Variants in SYNE2 observed in about 807,000 individuals in gnomAD.
The protein encoded by SYNE2 is spectrin repeat containing nuclear envelope protein 2, also known as nesprin-2.
In SYNE2, 431 loss-of-function variants were observed where a neutral mutation model predicts 856.3. The ratio of observed to expected loss-of-function variants is 0.50; its 90% CI spans 0.47 to 0.55. The LOEUF (loss-of-function observed/expected upper bound fraction) is 0.55, where lower values mean the gene tolerates loss of function less well. Ranked by LOEUF, SYNE2 falls within the 20% of genes least tolerant of loss-of-function variation. The probability of loss-of-function intolerance (pLI) is 0.00; values close to 1 mark genes in which losing one functional copy is unlikely to be tolerated. For synonymous variants in SYNE2, 2,923 were observed against 2,872.3 expected (o/e 1.02, Z -0.56); for missense variants, 8,129 against 8,023.2 (o/e 1.01, Z -0.50).
intron 6 of SYNE2, among the ~76,000 whole-genome samples, chr14:63,948,657 T>A: frequency 1.0e-5 from 1 of 96,922 alleles, no homozygotes; most frequent in Non-Finnish European, 2.3e-5. Flanking sequence ...CGAGACTCCA[T>A]CTCAAAAAAA....
chr14:63,841,308 A>C (rs569464842), intron 1 of SYNE2, among the ~76,000 whole-genome samples: 1 of 152,320 alleles, frequency 6.6e-6, no homozygotes, highest in South Asian at 2.1e-4. Context: ...TGAGCCCCTA[A>C]AAAAGCAAAA....
intron 78 of SYNE2, among the ~76,000 whole-genome samples, chr14:64,136,469 C>T (rs140641592): frequency 2.0e-5 from 3 of 151,544 alleles, no homozygotes; most frequent in South Asian, 2.1e-4. Context: ...GGGCTATGGA[C>T]GTGGAATTTT....
chr14:64,168,916 G>C lies in SYNE2; in HGVS notation c.16945G>C (p.Asp5649His), dbSNP rs1304643807. 6.2e-7 allele frequency: 1 copy of C among 1,614,056 alleles called. No individual in the cohort carries two copies. Among genetic ancestry groups the C allele is most frequent in the Admixed American group, 1.7e-5 (1 of 60,008 alleles). ...AGTTTCTATAAACCAGACAATTGCT[G>C]ATTCCTATGTCACCCAGTCCTTACA... is the stretch of plus-strand genomic sequence containing the variant. ...AEVSINQTIA[D>H]SYVTQSLQLL... Residue 5649 changes from aspartate to histidine, a missense_variant, in exon 93 of 116, where the codon GAT (aspartate) becomes CAT (histidine). Asp to His is a moderately conservative substitution (Grantham distance 81). Transcript: ENST00000555002.
chr14:64,095,606 T>TC (rs2097669882), intron 61 of SYNE2, among the ~76,000 whole-genome samples: 1 of 152,218 alleles, frequency 6.6e-6, no homozygotes, highest in Non-Finnish European at 1.5e-5. Context: ...TGGCTTTTTT[T>TC]CACGTAAAAA....
intron 61 of SYNE2, among the ~76,000 whole-genome samples, chr14:64,094,333 CA>C (rs1567276743): frequency 6.6e-6 from 1 of 150,614 alleles, no homozygotes; most frequent in Non-Finnish European, 1.5e-5. Flanking sequence ...GACTCCGTCT[CA>C]AAAAAATTAA....
chr14:63,942,281 G>A, intron 6 of SYNE2, 138 bp downstream of exon 6: 1 of 671,378 alleles, frequency 1.5e-6, no homozygotes, highest in Non-Finnish European at 2.6e-6. Context: ...TGAAGAGGTA[G>A]AAAATAATAG....
At position 64,074,172 on chromosome 14, in the gene SYNE2, C is replaced by A. The variant is rs900487843; in HGVS notation, c.10866+36C>A. ...AATGAATTAGTGAATGTGGCAGGTA[C>A]AGGCCCACAGTCTTGTATCCAAAGT... On this transcript the variant is annotated intron_variant, in intron 53 of 115. Transcript: ENST00000555002. The A allele has an allele frequency of 2.5e-6, 4 of 1,597,624 alleles. No homozygotes were observed. In the Admixed American group the frequency reaches 6.7e-5, roughly 27 times the overall value.
intron 115 of SYNE2, 67 bp downstream of exon 115, chr14:64,225,112 C>T (rs2098712968): frequency 1.9e-6 from 3 of 1,587,246 alleles, no homozygotes; most frequent in Admixed American, 3.4e-5. Flanking sequence ...TCAGTCTTGC[C>T]AATGCCACTA....
chr14:64,177,540 T>A, intron 96 of SYNE2, 57 bp downstream of exon 96: 1 of 1,610,350 alleles, frequency 6.2e-7, no homozygotes, highest in Non-Finnish European at 8.5e-7. Context: ...CTGAGTACTT[T>A]GAAGTGCTTC....
At chr14:64,112,022 G>A (rs2097812933) in intron 65 of SYNE2, among the ~76,000 whole-genome samples, 1 of 152,168 alleles carries the variant, frequency 6.6e-6, no homozygotes, top group Non-Finnish European at 1.5e-5. Flanking sequence ...AATAGATGGT[G>A]AAAGGTAAAA....
In SYNE2 at chr14:63,990,439, A is replaced by G. The variant is rs1209770907; in HGVS notation, c.2342A>G (p.Asp781Gly). ...CTTATTGCCAAAGGCTCTATGTTTG[A>G]TGAGCTTATGGCAAGAAGTGAAGAT... ...KHLIAKGSMF[D>G]ELMARSEDML... is the part of the protein sequence containing the mutation. The change falls in exon 20 of 116, where the codon GAT (aspartate) becomes GGT (glycine). Residue 781 changes from aspartate to glycine, a missense_variant. This residue lies in a region of SYNE2 where 2,422 missense variants were observed against 2,357.4 expected (regional missense o/e 1.03). Coordinates refer to ENST00000555002, the MANE Select transcript of SYNE2 (RefSeq NM_182914.3). 1.9e-6 allele frequency: 3 copies of G among 1,613,408 alleles called. No individual in the cohort carries two copies. The South Asian group carries it at 3.3e-5, about 18-fold the overall frequency.
intron 49 of SYNE2, among the ~76,000 whole-genome samples, chr14:64,056,799 T>C (rs1595189895): frequency 6.6e-6 from 1 of 152,040 alleles, no homozygotes; most frequent in Non-Finnish European, 1.5e-5. Flanking sequence ...GCCTCCCGAG[T>C]AGCTGGGATT....
chr14:63,945,267 G>A (rs1380141714), intron 6 of SYNE2, among the ~76,000 whole-genome samples: 1 of 151,896 alleles, frequency 6.6e-6, no homozygotes, highest in Non-Finnish European at 1.5e-5. Context: ...TAAAAATATA[G>A]AACTTTGCCA....
chr14:64,112,983 T>A, intron 65 of SYNE2: 1 of 985,032 alleles, frequency 1.0e-6, no homozygotes, highest in Non-Finnish European at 1.2e-6. Flanking sequence ...TAATCATGTG[T>A]CACGTAACGC....
chr14:64,188,736 GT>G (rs762042492), intron 98 of SYNE2, 28 bp downstream of exon 98: 74 of 1,613,094 alleles, frequency 4.6e-5, no homozygotes, highest in Non-Finnish European at 6.2e-5. Flanking sequence ...GGTGGATGTA[GT>G]TATGACTACC....
chr14:64,114,940 A>G (rs2097842873), intron 66 of SYNE2, among the ~76,000 whole-genome samples: 1 of 152,138 alleles, frequency 6.6e-6, no homozygotes, highest in Non-Finnish European at 1.5e-5. Context: ...TTCTAAAGGG[A>G]TAGGTTCACT....
chr14:64,023,968 G>A (rs566614755), intron 38 of SYNE2: 2 of 386,120 alleles, frequency 5.2e-6, no homozygotes, highest in Non-Finnish European at 9.9e-6. Context: ...AGAATAGTCT[G>A]TGGAGAAGTT....
At chr14:63,785,666 C>T (rs971982235) in intron 1 of SYNE2, among the ~76,000 whole-genome samples, 2 of 152,136 alleles carry the variant, frequency 1.3e-5, no homozygotes, top group African/African-American at 4.8e-5. Flanking sequence ...GTCCACAAAA[C>T]GTACAAGATT....
At chr14:64,129,550 G>C (rs371328485) in intron 74 of SYNE2, among the ~76,000 whole-genome samples, 89 of 152,308 alleles carry the variant, frequency 5.8e-4, no homozygotes, top group African/African-American at 2.1e-3. Context: ...ATGCTGTGGT[G>C]CAGTTCATTG....
Sources: allele counts gnomAD v4.1 joint callset (sites outside exome capture counted in the v4.1 genomes callset), GRCh38; gene constraint gnomAD v4.1.1; regional missense constraint gnomAD v4.1.1; transcripts MANE v1.5; gene names NCBI Gene and HGNC (gene_info 2026-07-23, HGNC 2026-07-21).